Variants in SEMG1 observed in about 807,000 individuals in gnomAD.
SEMG1 encodes the protein semenogelin 1, also known as semenogelin-1.
In SEMG1, 6 loss-of-function variants were observed where a neutral mutation model predicts 8.8. The observed-to-expected ratio is 0.68, with a 90% CI of 0.37 to 1.35. The LOEUF is 1.35. Among genes scored for constraint, SEMG1 ranks in the 40% most tolerant of loss-of-function variants. The probability of loss-of-function intolerance (pLI) is 0.02; values close to 1 mark genes in which losing one functional copy is unlikely to be tolerated. For missense variants in SEMG1, 580 were observed against 533.6 expected (o/e 1.09, Z -0.86); for synonymous variants, 221 against 190.3 (o/e 1.16, Z -1.33).
At chr20:45,207,234 T>C in intron 1 of SEMG1, 105 bp downstream of exon 1, 1 of 1,498,220 alleles carries the variant, frequency 6.7e-7, no homozygotes, top group African/African-American at 1.4e-5. Context: ...TTCTTCTCTT[T>C]GAAGAGAATT....
At position 45,208,432 on chromosome 20, in the gene SEMG1, G is replaced by C. The variant is rs530333291; in HGVS notation, c.1135G>C (p.Glu379Gln). The change falls in exon 2 of 3, where the codon GAA becomes CAA. Residue 379 changes from glutamate (E) to glutamine (Q), a missense_variant. Glu to Gln is a conservative substitution (Grantham distance 29). Coordinates refer to ENST00000372781, the MANE Select transcript of SEMG1 (RefSeq NM_003007.5). ...CCAACGCAGTATTTATAGCCAAACT[G>C]AAAAGCTAGTAGCAGGCAAGTCTCA... ...VSQRSIYSQT[E>Q]KLVAGKSQIQ... 4 of 1,614,000 alleles carry C rather than the reference G, an allele frequency of 2.5e-6. No homozygotes were observed. The East Asian group carries it at 8.9e-5, about 36-fold the overall frequency.
chr20:45,208,658 A>G lies in SEMG1; in HGVS notation c.1361A>G (p.Asn454Ser), dbSNP rs774949823. Residue 454 changes from asparagine (N) to serine (S), a missense_variant, in exon 2 of 3, where the codon AAC becomes AGC. Coordinates refer to ENST00000372781, the MANE Select transcript of SEMG1 (RefSeq NM_003007.5). ...DSDRHLAQHL[N>S]NDRNPLFT is the part of the protein sequence containing the mutation. Reference sequence around the variant, plus strand: ...GATCGTCATTTGGCACAACATCTTAACAACGACCGAAACCCATTATTTACA... The same window carrying G: ...GATCGTCATTTGGCACAACATCTTAGCAACGACCGAAACCCATTATTTACA... The G allele has an allele frequency of 1.2e-6, 2 of 1,611,180 alleles. No homozygotes were observed. The highest frequency in any genetic ancestry group is 3.4e-5 in the Admixed American group (2 of 59,650).
rs1220528998 is a variant in SEMG1 at position 45,208,196 on chromosome 20, A to G, written c.899A>G (p.Tyr300Cys). Reference sequence around the variant, plus strand: ...AGTACAGAAGAAAGACGACTCCACTATGGAGAAAATGGTGTGCAGAAAGAT... The same window carrying G: ...AGTACAGAAGAAAGACGACTCCACTGTGGAGAAAATGGTGTGCAGAAAGAT... ...SSSTEERRLH[Y>C]GENGVQKDVS... Residue 300 changes from tyrosine to cysteine, a missense_variant, in exon 2 of 3, where the codon TAT becomes TGT. Tyr to Cys is a radical substitution (Grantham distance 194). Transcript: ENST00000372781. The G allele has an allele frequency of 3.7e-6, 6 of 1,613,550 alleles. No individual in the cohort carries two copies. The highest frequency in any genetic ancestry group is 5.1e-6 in the Non-Finnish European group (6 of 1,179,708).
intron 2 of SEMG1, 44 bp downstream of exon 2, chr20:45,208,774 T>C (rs1983778628): frequency 4.3e-6 from 4 of 931,878 alleles, no homozygotes; most frequent in Non-Finnish European, 5.0e-6. Flanking sequence ...CTCTCATTGT[T>C]TAGAATTGTT....
chr20:45,207,514 G>C lies in SEMG1; in HGVS notation c.217G>C (p.Ala73Pro). Residue 73 changes from alanine to proline, a missense_variant, in exon 2 of 3, where the codon GCC (alanine) becomes CCC (proline). Transcript: ENST00000372781. ...TATTCAATACACATATCATGTAGAT[G>C]CCAATGATCATGACCAGTCCCGAAA... is the stretch of plus-strand genomic sequence containing the variant. ...FSIQYTYHVD[A>P]NDHDQSRKSQ... 1 of 1,613,854 alleles carries C rather than the reference G, an allele frequency of 6.2e-7. No homozygotes were observed. The highest frequency in any genetic ancestry group is 8.5e-7 in the Non-Finnish European group (1 of 1,179,810).
At chr20:45,207,313 T>C (rs1983713125) in intron 1 of SEMG1, 61 bp from the exon 2 acceptor site, 1 of 1,453,860 alleles carries the variant, frequency 6.9e-7, no homozygotes, top group Non-Finnish European at 9.4e-7. Flanking sequence ...AAGTGGGGGG[T>C]AAGAGTTGTA....
In SEMG1 at chr20:45,208,105, A is replaced by G. The variant is rs113759034; in HGVS notation, c.808A>G (p.Thr270Ala). 2 of 1,614,116 alleles carry G rather than the reference A, an allele frequency of 1.2e-6. No individual in the cohort carries two copies. Among genetic ancestry groups the G allele is most frequent in the Non-Finnish European group, 1.7e-6 (2 of 1,179,992 alleles). Reference sequence around the variant, plus strand: ...AGTATATAACAAGAATCAACACCAGACAAAAAATCTCAATCAAGATCAACA... The same window carrying G: ...AGTATATAACAAGAATCAACACCAGGCAAAAAATCTCAATCAAGATCAACA... ...LLVYNKNQHQ[T>A]KNLNQDQQHG... The change falls in exon 2 of 3, where the codon ACA becomes GCA. Residue 270 changes from threonine (T) to alanine (A), a missense_variant. Coordinates refer to ENST00000372781, the MANE Select transcript of SEMG1 (RefSeq NM_003007.5).
At chr20:45,208,783 T>C (rs1983778762) in intron 2 of SEMG1, 53 bp downstream of exon 2, 4 of 860,952 alleles carry the variant, frequency 4.6e-6, no homozygotes, top group Admixed American at 2.4e-5. Flanking sequence ...TTTAGAATTG[T>C]TGGGGACTCT....
Position 45,208,316 on chromosome 20 carries a change from G to A in SEMG1, c.1019G>A (p.Ser340Asn). 1 of 1,611,128 alleles carries A rather than the reference G, an allele frequency of 6.2e-7. No individual in the cohort carries two copies. The highest frequency in any genetic ancestry group is 8.5e-7 in the Non-Finnish European group (1 of 1,178,636). The change falls in exon 2 of 3, where the codon AGC becomes AAC. Residue 340 changes from serine to asparagine, a missense_variant. Physicochemically the swap from Ser to Asn is conservative, Grantham distance 46. Transcript: ENST00000372781. ...ATTCCCAGTCAAGAGCAAGAGCATA[G>A]CCAAAAGGCAAATAAAATATCATAC... ...ITIPSQEQEHSQKANKISYQS... is the reference protein window; with the variant it reads ...ITIPSQEQEHNQKANKISYQS...
chr20:45,207,496 T>C lies in SEMG1; in HGVS notation c.199T>C (p.Tyr67His), dbSNP rs762961465. 6.2e-6 allele frequency: 10 copies of C among 1,613,820 alleles called. No individual in the cohort carries two copies. In the Admixed American group the frequency reaches 8.3e-5, roughly 13 times the overall value. Reference protein sequence around the residue: ...TESKGSFSIQYTYHVDANDHD... With the variant: ...TESKGSFSIQHTYHVDANDHD... ...ATCCAAAGGCAGTTTTTCTATTCAA[T>C]ACACATATCATGTAGATGCCAATGA... The change falls in exon 2 of 3, where the codon TAC becomes CAC. Residue 67 changes from tyrosine to histidine, a missense_variant. Physicochemically the swap from Tyr to His is moderately conservative, Grantham distance 83. Transcript: ENST00000372781.
chr20:45,208,531 A>G lies in SEMG1; in HGVS notation c.1234A>G (p.Asn412Asp). 1 of 1,614,074 alleles carries G rather than the reference A, an allele frequency of 6.2e-7. No homozygotes were observed. The highest frequency in any genetic ancestry group is 8.5e-7 in the Non-Finnish European group (1 of 1,179,954). The part of the protein sequence containing the change: ...NAKGESGQST[N>D]REQDLLSHEQ... ...AAAAGGAGAGTCTGGCCAATCTACA[A>G]ATAGAGAACAAGACCTACTCAGTCA... The change falls in exon 2 of 3, where the codon AAT becomes GAT. Residue 412 changes from asparagine to aspartate, a missense_variant. Physicochemically the swap from Asn to Asp is conservative, Grantham distance 23. Coordinates refer to ENST00000372781, the MANE Select transcript of SEMG1 (RefSeq NM_003007.5).
In SEMG1 at chr20:45,207,661, C is replaced by A; in HGVS notation, c.364C>A (p.His122Asn). Reference sequence around the variant, plus strand: ...CAGAGACCATGATAAATCAAAAGGTCATTTTCACAGGGTAGTTATACACCA... The same window carrying A: ...CAGAGACCATGATAAATCAAAAGGTAATTTTCACAGGGTAGTTATACACCA... ...EGRDHDKSKG[H>N]FHRVVIHHKG... Residue 122 changes from histidine (H) to asparagine (N), a missense_variant, in exon 2 of 3, where the codon CAT becomes AAT. His to Asn is a moderately conservative substitution (Grantham distance 68). Transcript: ENST00000372781. 1 of 1,613,864 alleles carries A rather than the reference C, an allele frequency of 6.2e-7. No homozygotes were observed. Among genetic ancestry groups the A allele is most frequent in the Non-Finnish European group, 8.5e-7 (1 of 1,179,868 alleles).
chr20:45,207,353 C>G, intron 1 of SEMG1, 21 bp from the exon 2 acceptor site: 1 of 1,572,228 alleles, frequency 6.4e-7, no homozygotes, highest in Non-Finnish European at 8.7e-7. Flanking sequence ...GAATGCATAC[C>G]TTCTTATTAT....
chr20:45,208,391 T>C lies in SEMG1; in HGVS notation c.1094T>C (p.Val365Ala). ...ERRLHYGENG[V>A]QKDVSQRSIY... ...CGACTCCACTATGGAGAAAATGGTG[T>C]GCAGAAAGATGTATCCCAACGCAGT... Residue 365 changes from valine to alanine, a missense_variant, in exon 2 of 3, where the codon GTG becomes GCG. Coordinates refer to ENST00000372781, the MANE Select transcript of SEMG1 (RefSeq NM_003007.5). 6.2e-7 allele frequency: 1 copy of C among 1,613,446 alleles called. No homozygotes were observed. The highest frequency in any genetic ancestry group is 1.1e-5 in the South Asian group (1 of 90,972).
chr20:45,209,529 G>C (rs1983796860), intron 2 of SEMG1, 72 bp from the exon 3 acceptor site: 1 of 152,226 alleles, frequency 6.6e-6, no homozygotes, highest in Non-Finnish European at 1.5e-5. Flanking sequence ...AAGGGGACAG[G>C]GGGCCCAGCT....
chr20:45,208,103 A>G lies in SEMG1; in HGVS notation c.806A>G (p.Gln269Arg), dbSNP rs1600652366. The G allele has an allele frequency of 2.5e-6, 4 of 1,614,094 alleles. No individual in the cohort carries two copies. The highest frequency in any genetic ancestry group is 3.4e-6 in the Non-Finnish European group (4 of 1,179,966). Residue 269 changes from glutamine to arginine, a missense_variant, in exon 2 of 3, where the codon CAG becomes CGG. Transcript: ENST00000372781. The stretch of plus-strand genomic sequence containing the variant: ...CTAGTATATAACAAGAATCAACACC[A>G]GACAAAAAATCTCAATCAAGATCAA... Reference protein sequence around the residue: ...ELLVYNKNQHQTKNLNQDQQH... With the variant: ...ELLVYNKNQHRTKNLNQDQQH...
rs1408252330 is a variant in SEMG1, at chr20:45,208,671, C to T, written c.1374C>T (p.Asn458=). The change falls in exon 2 of 3, where the codon AAC becomes AAT. Residue 458 remains asparagine, a synonymous_variant. Transcript: ENST00000372781. ...CACAACATCTTAACAACGACCGAAACCCATTATTTACATAAACCTACCATT... is the reference window on the plus strand; with the variant it reads ...CACAACATCTTAACAACGACCGAAATCCATTATTTACATAAACCTACCATT... ...HLAQHLNNDR[N]PLFT The T allele has an allele frequency of 2.5e-6, 4 of 1,605,482 alleles. No homozygotes were observed. Among genetic ancestry groups the T allele is most frequent in the Non-Finnish European group, 3.4e-6 (4 of 1,175,956 alleles).
At position 45,207,671 on chromosome 20, in the gene SEMG1, G is replaced by A. The variant is rs200028678; in HGVS notation, c.374G>A (p.Arg125Lys). ...DHDKSKGHFHRVVIHHKGGKA... is the reference protein window; with the variant it reads ...DHDKSKGHFHKVVIHHKGGKA... ...GATAAATCAAAAGGTCATTTTCACA[G>A]GGTAGTTATACACCATAAAGGAGGC... Residue 125 changes from arginine to lysine, a missense_variant, in exon 2 of 3, where the codon AGG (arginine) becomes AAG (lysine). Physicochemically the swap from Arg to Lys is conservative, Grantham distance 26 (BLOSUM62 2). Coordinates refer to ENST00000372781, the MANE Select transcript of SEMG1 (RefSeq NM_003007.5). 23 of 1,613,896 alleles carry A rather than the reference G, an allele frequency of 1.4e-5. No homozygotes were observed. The highest frequency in any genetic ancestry group is 1.0e-4 in the Admixed American group (6 of 59,978).
intron 2 of SEMG1, among the ~76,000 whole-genome samples, chr20:45,209,002 A>G (rs1427279650): frequency 6.6e-6 from 1 of 152,188 alleles, no homozygotes; most frequent in Non-Finnish European, 1.5e-5. Flanking sequence ...CTACCTGCTA[A>G]AGGTTTTTTT....
Sources: gnomAD v4.1 joint callset for allele counts (sites outside exome capture counted in the v4.1 genomes callset) on GRCh38, gnomAD v4.1.1 for gene constraint, MANE v1.5 for transcripts, NCBI Gene and HGNC (gene_info 2026-07-23, HGNC 2026-07-21) for gene names.